The following CAMTA1 variants were observed in gnomAD, a reference collection of about 807,000 sequenced individuals.
CAMTA1 encodes the protein calmodulin-binding transcription activator 1.
A neutral mutation model predicts 170.9 loss-of-function variants in CAMTA1; 27 were observed. The ratio of observed to expected loss-of-function variants is 0.16; its 90% CI spans 0.12 to 0.22. The LOEUF (loss-of-function observed/expected upper bound fraction) is 0.22. Among genes scored for constraint, CAMTA1 ranks in the 10% least tolerant of loss-of-function variants. The probability of loss-of-function intolerance (pLI) is 1.00; values close to 1 mark genes in which losing one functional copy is unlikely to be tolerated. For synonymous variants in CAMTA1, 833 were observed against 891.5 expected (o/e 0.93, Z 1.17); for missense variants, 1,619 against 2,217.2 (o/e 0.73, Z 5.42).
chr1:7,224,374 G>A lies in CAMTA1; in HGVS notation c.303-25117G>A, dbSNP rs924115322. ...GGCTCTCGTCCCAGTTGGCAAGGGC[G>A]CCACAGCTGGATGGCTCAGCGTCCA... is the stretch of plus-strand genomic sequence containing the variant. On this transcript the variant is annotated intron_variant, in intron 4 of 22. Transcript: ENST00000303635. This position sits in a 1 kb window ranked among gnomAD's most constrained non-coding sequence, Gnocchi z 5.2. Among the ~76,000 whole-genome samples, 4 of 152,170 alleles carry A rather than the reference G, an allele frequency of 2.6e-5. No homozygotes were observed. Among genetic ancestry groups the A allele is most frequent in the Middle Eastern group, 3.2e-3 (1 of 316 alleles).
intron 3 of CAMTA1, among the ~76,000 whole-genome samples, chr1:6,878,466 T>G (rs2149045057): frequency 6.6e-6 from 1 of 152,348 alleles, no homozygotes; most frequent in East Asian, 1.9e-4. Flanking sequence ...ATCATTCTGA[T>G]TTTTCAGGCA....
chr1:7,001,174 C>G lies in CAMTA1; in HGVS notation c.235-90130C>G, dbSNP rs544549537. On this transcript the variant is annotated intron_variant, in intron 3 of 22. Transcript: ENST00000303635. ...CTTCTCACCACTTCAAAACCACCAA[C>G]TCTCTAAACTCCATTTTCAGAGCAC... 2.0e-5 allele frequency among the ~76,000 whole-genome samples: 3 copies of G among 152,308 alleles called. No individual in the cohort carries two copies. The South Asian group carries it at 6.2e-4, about 32-fold the overall frequency.
chr1:7,577,919 T>C (rs10492961), intron 6 of CAMTA1, among the ~76,000 whole-genome samples: 61,938 of 152,078 alleles, frequency 0.41, 16,203 homozygotes, highest in African/African-American at 0.74. Flanking sequence ...ATCATCATTT[T>C]CAAAACTATA....
intron 5 of CAMTA1, among the ~76,000 whole-genome samples, chr1:7,348,137 CCTCTCTGT>C (rs1332848180): frequency 6.6e-6 from 1 of 152,156 alleles, no homozygotes; most frequent in Non-Finnish European, 1.5e-5. Context: ...TGCATGCCTA[CCTCTCTGT>C]CTTCTCACTG....
intron 5 of CAMTA1, among the ~76,000 whole-genome samples, chr1:7,439,475 C>T (rs528104352): frequency 3.7e-4 from 56 of 152,322 alleles, no homozygotes; most frequent in African/African-American, 1.3e-3. Flanking sequence ...GCGACTCTGC[C>T]ACCTGATGCC....
At chr1:7,102,668 A>G (rs1470115943) in intron 4 of CAMTA1, among the ~76,000 whole-genome samples, 3 of 152,104 alleles carry the variant, frequency 2.0e-5, no homozygotes, top group South Asian at 4.1e-4. Context: ...GAAATGTGCT[A>G]TTTCCACATA....
At chr1:7,170,363 A>C (rs1649357553) in intron 4 of CAMTA1, among the ~76,000 whole-genome samples, 1 of 151,170 alleles carries the variant, frequency 6.6e-6, no homozygotes, top group African/African-American at 2.4e-5. Flanking sequence ...TTTGTTACAT[A>C]GGTATACATG....
intron 1 of CAMTA1, among the ~76,000 whole-genome samples, chr1:6,819,277 A>G (rs943832734): frequency 1.3e-4 from 20 of 151,558 alleles, no homozygotes; most frequent in Non-Finnish European, 2.6e-4. Flanking sequence ...ACTGAAAATA[A>G]TTGGCCGTCA....
At chr1:7,640,160 C>T (rs996376277) in intron 6 of CAMTA1, among the ~76,000 whole-genome samples, 15 of 152,040 alleles carry the variant, frequency 9.9e-5, no homozygotes, top group African/African-American at 3.6e-4. Context: ...GGGTCACAGC[C>T]GGAGGGGGAG....
At chr1:7,533,963 T>A (rs571419199) in intron 6 of CAMTA1, among the ~76,000 whole-genome samples, 19 of 152,172 alleles carry the variant, frequency 1.2e-4, no homozygotes, top group African/African-American at 4.3e-4. Flanking sequence ...CTTCTTCCCT[T>A]GAAGCCAGGA....
In CAMTA1 at chr1:6,826,577, A is replaced by G. The variant is rs148972257; in HGVS notation, c.234+1367A>G. Among the ~76,000 whole-genome samples, 46 of 152,366 alleles carry G rather than the reference A, an allele frequency of 3.0e-4. 1 individual carries two copies. The highest frequency in any genetic ancestry group is 8.9e-4 in the African/African-American group (37 of 41,590). On this transcript the variant is annotated intron_variant, in intron 3 of 22. Coordinates refer to ENST00000303635, the MANE Select transcript of CAMTA1 (RefSeq NM_015215.4). ...TTAAAAACTCAGTGTATTTCTTAGT[A>G]TTCCCTGAAACGTAGATTTGATACC...
chr1:7,499,019 CATGA>C (rs1557821044), intron 6 of CAMTA1, among the ~76,000 whole-genome samples: 1 of 41,056 alleles, frequency 2.4e-5, no homozygotes. Flanking sequence ...CATGTGTGTC[CATGA>C]GTGAGTGTGT....
intron 1 of CAMTA1, among the ~76,000 whole-genome samples, 169 bp from the exon 2 acceptor site, chr1:6,820,012 T>G (rs2148450730): frequency 6.6e-6 from 1 of 152,334 alleles, no homozygotes; most frequent in Non-Finnish European, 1.5e-5. Context: ...ACCTTGACAC[T>G]CTTGAGGATT....
intron 6 of CAMTA1, among the ~76,000 whole-genome samples, chr1:7,521,241 G>T (rs765702679): frequency 2.0e-5 from 3 of 152,154 alleles, no homozygotes; most frequent in South Asian, 2.1e-4. Context: ...AAAATTAAAA[G>T]ATGATACCCC....
rs1315074299 is a variant in CAMTA1 at position 7,768,726 on chromosome 1, G to A, written c.*2235G>A. The A allele has an allele frequency of 2.6e-5, 4 of 152,634 alleles. No individual in the cohort carries two copies. The highest frequency in any genetic ancestry group is 9.7e-5 in the African/African-American group (4 of 41,378). 9.5% of individuals were successfully genotyped at this position (152,634 alleles called of 1,614,324 possible). On this transcript the variant is annotated 3_prime_UTR_variant, in exon 23 of 23. Coordinates refer to ENST00000303635, the MANE Select transcript of CAMTA1 (RefSeq NM_015215.4). ...GTAGCCACCTGTACATTTGTAAACT[G>A]ACCTGACTCCATTTTGTTTTTAAAT...
intron 3 of CAMTA1, among the ~76,000 whole-genome samples, chr1:6,873,772 AT>A (rs1557740976): frequency 6.6e-6 from 1 of 152,202 alleles, no homozygotes; most frequent in Non-Finnish European, 1.5e-5. Flanking sequence ...CTTATTTCCA[AT>A]GAGCCTTGTT....
At chr1:7,225,379 C>T (rs910640200) in intron 4 of CAMTA1, among the ~76,000 whole-genome samples, 3 of 152,200 alleles carry the variant, frequency 2.0e-5, no homozygotes, top group Non-Finnish European at 2.9e-5. Context: ...CCACCGTGCC[C>T]GGCCAGCAGA....
chr1:7,420,129 C>T (rs2149308636), intron 5 of CAMTA1, among the ~76,000 whole-genome samples: 1 of 152,240 alleles, frequency 6.6e-6, no homozygotes, highest in African/African-American at 2.4e-5. Flanking sequence ...GGCCCGCACA[C>T]CCTCCTGAAC....
rs544357757 is a variant in CAMTA1 at position 7,482,678 on chromosome 1, G to A, written c.510+14777G>A. On this transcript the variant is annotated intron_variant, in intron 6 of 22. Transcript: ENST00000303635. The surrounding 1 kb of genome is among the most constrained non-coding windows in gnomAD (Gnocchi z 4.2). ...TGGAGGATTGAGAAGGAAATTCGGG[G>A]CAGAAACGTTTGTTGATCCTGAATT... Among the ~76,000 whole-genome samples the A allele has an allele frequency of 6.6e-6, 1 of 152,208 alleles. No individual in the cohort carries two copies. The highest frequency in any genetic ancestry group is 1.9e-4 in the East Asian group (1 of 5,194).
Sources: allele counts gnomAD v4.1 joint callset (sites outside exome capture counted in the v4.1 genomes callset), GRCh38; gene constraint gnomAD v4.1.1; non-coding constraint Gnocchi (gnomAD v3.1); transcripts MANE v1.5; gene names NCBI Gene and HGNC (gene_info 2026-07-23, HGNC 2026-07-21).